Variants in SUCLG2 observed in about 807,000 individuals in gnomAD.
SUCLG2 encodes succinate-CoA ligase GDP-forming subunit beta.
Under a neutral mutation model 47.9 loss-of-function variants are expected in SUCLG2, and 42 were observed. The observed-to-expected ratio is 0.88, with a 90% CI of 0.69 to 1.14. SUCLG2 has a LOEUF of 1.14. SUCLG2 is among the 50% of genes most tolerant of loss of function. The pLI is 0.00. For missense variants in SUCLG2, 571 were observed against 525.9 expected, an observed-to-expected ratio of 1.09 and a Z score of -0.84; for synonymous variants, 195 against 197.3, an observed-to-expected ratio of 0.99 and a Z score of 0.10.
At chr3:67,614,448 C>G (rs1174274703) in intron 1 of SUCLG2, among the ~76,000 whole-genome samples, 1 of 151,664 alleles carries the variant, frequency 6.6e-6, no homozygotes, top group Non-Finnish European at 1.5e-5. Context: ...TAGACTCGGC[C>G]AACACCATTT....
intron 10 of SUCLG2, among the ~76,000 whole-genome samples, chr3:67,397,278 C>G (rs533323138): frequency 6.6e-6 from 1 of 152,200 alleles, no homozygotes; most frequent in South Asian, 2.1e-4. Flanking sequence ...AAAACCCCAT[C>G]GTCTCAGCCC....
At chr3:67,395,459 A>G (rs1006978407) in intron 10 of SUCLG2, among the ~76,000 whole-genome samples, 1 of 152,250 alleles carries the variant, frequency 6.6e-6, no homozygotes, top group Non-Finnish European at 1.5e-5. Flanking sequence ...GATCAATTCA[A>G]CAAGAAGAAC....
intron 1 of SUCLG2, among the ~76,000 whole-genome samples, chr3:67,622,417 A>G (rs572778586): frequency 6.6e-6 from 1 of 152,326 alleles, no homozygotes; most frequent in Admixed American, 6.5e-5. Context: ...AGAAGGGATC[A>G]TGGATTTTCC....
At chr3:67,441,692 G>C (rs1458373515) in intron 9 of SUCLG2, among the ~76,000 whole-genome samples, 1 of 152,160 alleles carries the variant, frequency 6.6e-6, no homozygotes, top group Non-Finnish European at 1.5e-5. Flanking sequence ...AACATATACA[G>C]TAATCTACCC....
At chr3:67,381,500 A>G (rs1354394482) in intron 10 of SUCLG2, among the ~76,000 whole-genome samples, 1 of 152,244 alleles carries the variant, frequency 6.6e-6, no homozygotes, top group Non-Finnish European at 1.5e-5. Flanking sequence ...GCCTGTGCAC[A>G]GAATTACAAA....
chr3:67,466,092 C>T (rs1014912552), intron 9 of SUCLG2, among the ~76,000 whole-genome samples: 7 of 152,114 alleles, frequency 4.6e-5, no homozygotes, highest in Admixed American at 1.3e-4. Flanking sequence ...GTGGCTCACT[C>T]CTGTAATCTC....
chr3:67,487,043 GTAGAT>G (rs764867179), intron 9 of SUCLG2, among the ~76,000 whole-genome samples: 193 of 152,260 alleles, frequency 1.3e-3, no homozygotes, highest in Non-Finnish European at 1.9e-3. Context: ...AGAAAACAAT[GTAGAT>G]TAGATTACAG....
intron 9 of SUCLG2, among the ~76,000 whole-genome samples, chr3:67,489,974 T>C (rs951157833): frequency 7.2e-5 from 11 of 152,214 alleles, no homozygotes; most frequent in Admixed American, 2.6e-4. Context: ...TCCAGGAGGA[T>C]AGACCAAATA....
At chr3:67,591,085 T>C (rs1708151208) in intron 2 of SUCLG2, among the ~76,000 whole-genome samples, 1 of 152,256 alleles carries the variant, frequency 6.6e-6, no homozygotes, top group African/African-American at 2.4e-5. Flanking sequence ...TGTGCATTTA[T>C]TGATCTCTAA....
chr3:67,525,553 G>A (rs1490693829), intron 4 of SUCLG2, among the ~76,000 whole-genome samples: 1 of 152,112 alleles, frequency 6.6e-6, no homozygotes, highest in South Asian at 2.1e-4. Context: ...AAATGGTGCA[G>A]GAGTAATTGA....
At chr3:67,568,847 A>C (rs1707538244) in intron 2 of SUCLG2, among the ~76,000 whole-genome samples, 1 of 152,210 alleles carries the variant, frequency 6.6e-6, no homozygotes, top group Non-Finnish European at 1.5e-5. Flanking sequence ...AGATCGCGCC[A>C]CTGCACTCCA....
intron 9 of SUCLG2, among the ~76,000 whole-genome samples, chr3:67,403,064 C>G (rs1050046192): frequency 8.5e-5 from 13 of 152,090 alleles, no homozygotes; most frequent in Non-Finnish European, 1.9e-4. Flanking sequence ...ATGAGTCTCT[C>G]ATGTGTTAGT....
chr3:67,431,145 CA>C (rs149108292), intron 9 of SUCLG2, among the ~76,000 whole-genome samples: 2 of 150,478 alleles, frequency 1.3e-5, no homozygotes, highest in Admixed American at 6.6e-5. Context: ...AGAGACACAA[CA>C]AAAAAAAAGA....
At chr3:67,414,596 A>G (rs930422312) in intron 9 of SUCLG2, among the ~76,000 whole-genome samples, 3 of 152,222 alleles carry the variant, frequency 2.0e-5, no homozygotes, top group Non-Finnish European at 4.4e-5. Context: ...TTGCCATGCG[A>G]ATGTAGGCCT....
rs187569476 is a variant in SUCLG2 at position 67,360,500 on chromosome 3, T to C, written c.*129A>G. 219 of 983,966 alleles carry C rather than the reference T, an allele frequency of 2.2e-4. 4 individuals carry two copies. The East Asian group carries it at 2.8e-3, about 13-fold the overall frequency. 61.0% of individuals were successfully genotyped at this position (983,966 alleles called of 1,614,324 possible). On this transcript the variant is annotated 3_prime_UTR_variant, in exon 11 of 11. Transcript: ENST00000493112. ...AATATTTTTGGTGAATGAACAGCTA[T>C]AAGCCATGCCCTTCCATTTTCCATT...
chr3:67,588,532 C>T (rs2363090), intron 2 of SUCLG2, among the ~76,000 whole-genome samples: 146,021 of 152,268 alleles, frequency 0.96, 70,306 homozygotes, highest in East Asian at 1. Context: ...GAGATTTTGA[C>T]TTGTTAGTCT....
chr3:67,574,462 C>T lies in SUCLG2; in HGVS notation c.226+34993G>A, dbSNP rs144679497. The stretch of plus-strand genomic sequence containing the variant: ...TTGATTTTTGGCAAAGGTGCCAAGG[C>T]AATTATTGGGGAATGTATCCTCTGT... On this transcript the variant is annotated intron_variant, in intron 2 of 10. Transcript: ENST00000307227. 4.3e-3 allele frequency among the ~76,000 whole-genome samples: 653 copies of T among 152,310 alleles called. 5 individuals carry two copies. Among genetic ancestry groups the T allele is most frequent in the African/African-American group, 0.014 (584 of 41,552 alleles).
chr3:67,428,605 G>A (rs1390502312), intron 9 of SUCLG2, among the ~76,000 whole-genome samples: 4 of 152,192 alleles, frequency 2.6e-5, no homozygotes, highest in South Asian at 2.1e-4. Flanking sequence ...TGACTTTGAC[G>A]ACTTAAGAGA....
chr3:67,616,709 C>T (rs543459366), intron 1 of SUCLG2, among the ~76,000 whole-genome samples: 1 of 152,242 alleles, frequency 6.6e-6, no homozygotes, highest in East Asian at 1.9e-4. Context: ...AAACAAAGGG[C>T]TTGCCCCTTA....
Sources: allele counts gnomAD v4.1 joint callset (sites outside exome capture counted in the v4.1 genomes callset), GRCh38; gene constraint gnomAD v4.1.1; transcripts MANE v1.5; gene names NCBI Gene and HGNC (gene_info 2026-07-23, HGNC 2026-07-21).